The following CAMK4 variants were observed in gnomAD, a reference collection of about 807,000 sequenced individuals.
The protein encoded by CAMK4 is calcium/calmodulin dependent protein kinase IV.
CAMK4 carries 22 observed loss-of-function variants against 44.9 expected under a neutral mutation model. The ratio of observed to expected loss-of-function variants is 0.49; its 90% CI spans 0.35 to 0.70. CAMK4 has a LOEUF of 0.70. CAMK4 is among the 30% of genes least tolerant of loss of function. The pLI is 0.01. For missense variants in CAMK4, 498 were observed against 586.8 expected, an observed-to-expected ratio of 0.85 and a Z score of 1.56; for synonymous variants, 218 against 215.4, an observed-to-expected ratio of 1.01 and a Z score of -0.11.
intron 5 of CAMK4, among the ~76,000 whole-genome samples, chr5:111,412,725 A>G (rs888841701): frequency 1.3e-5 from 2 of 152,202 alleles, no homozygotes; most frequent in African/African-American, 4.8e-5. Flanking sequence ...TAGCTAGAAC[A>G]GAGACTTGGT....
At chr5:111,314,351 T>C (rs414266) in intron 1 of CAMK4, among the ~76,000 whole-genome samples, 142,169 of 152,070 alleles carry the variant, frequency 0.93, 66,576 homozygotes, top group East Asian at 1. Context: ...TTAATACAGT[T>C]CCAACATTTT....
At chr5:111,279,490 TG>T (rs769214853) in intron 1 of CAMK4, among the ~76,000 whole-genome samples, 3 of 151,116 alleles carry the variant, frequency 2.0e-5, no homozygotes, top group South Asian at 4.2e-4. Flanking sequence ...CCAGAGGGAG[TG>T]GGGAGTAAAA....
At chr5:111,251,972 AT>A (rs1479006239) in intron 1 of CAMK4, among the ~76,000 whole-genome samples, 1 of 152,202 alleles carries the variant, frequency 6.6e-6, no homozygotes, top group African/African-American at 2.4e-5. Context: ...GCAGAAAATA[AT>A]TATGAGTCCA....
At chr5:111,321,572 C>G (rs949184456) in intron 1 of CAMK4, among the ~76,000 whole-genome samples, 4 of 152,084 alleles carry the variant, frequency 2.6e-5, no homozygotes, top group African/African-American at 9.7e-5. Flanking sequence ...CTGTATCAGC[C>G]ATCTGGTATA....
At chr5:111,323,803 G>C (rs955864484) in intron 1 of CAMK4, among the ~76,000 whole-genome samples, 1 of 152,092 alleles carries the variant, frequency 6.6e-6, no homozygotes, top group Non-Finnish European at 1.5e-5. Flanking sequence ...TAGAAGTTCA[G>C]ATTTATAGAA....
rs188252788 is a variant in CAMK4 at position 111,371,710 on chromosome 5, G to A, written c.241-3140G>A. 2.3e-3 allele frequency among the ~76,000 whole-genome samples: 357 copies of A among 152,148 alleles called. 1 individual carries two copies. Among genetic ancestry groups the A allele is most frequent in the Non-Finnish European group, 3.3e-3 (225 of 68,004 alleles). On this transcript the variant is annotated intron_variant, in intron 2 of 10. Transcript: ENST00000282356. ...AAATTTTATCTATTTAATATTCTCC[G>A]ATTTAGAAGTTTTGACAATATGATG... is the stretch of plus-strand genomic sequence containing the variant.
intron 1 of CAMK4, among the ~76,000 whole-genome samples, chr5:111,257,339 A>G (rs1175647907): frequency 6.6e-6 from 1 of 152,254 alleles, no homozygotes; most frequent in Non-Finnish European, 1.5e-5. Flanking sequence ...TGGGCGAAGG[A>G]CATGAACAGA....
chr5:111,264,681 T>G (rs995219464), intron 1 of CAMK4, among the ~76,000 whole-genome samples: 5 of 152,130 alleles, frequency 3.3e-5, no homozygotes, highest in Admixed American at 2.6e-4. Context: ...TTAAGAGTCA[T>G]TTTCTCTGTT....
intron 1 of CAMK4, among the ~76,000 whole-genome samples, chr5:111,293,635 C>T (rs1747366272): frequency 6.6e-6 from 1 of 151,820 alleles, no homozygotes; most frequent in Non-Finnish European, 1.5e-5. Flanking sequence ...CCACGTTGGC[C>T]AGGCTGGTCT....
chr5:111,335,351 A>G (rs768484602), intron 1 of CAMK4, among the ~76,000 whole-genome samples: 3 of 151,360 alleles, frequency 2.0e-5, no homozygotes, highest in Admixed American at 6.6e-5. Context: ...TCCTAATTCC[A>G]TTTTGAATCA....
intron 5 of CAMK4, among the ~76,000 whole-genome samples, chr5:111,398,567 G>A (rs1015269352): frequency 2.0e-5 from 3 of 152,142 alleles, no homozygotes; most frequent in Non-Finnish European, 2.9e-5. Flanking sequence ...AGAAAACCAT[G>A]ATTTTACTTG....
At chr5:111,264,875 C>T (rs1750163233) in intron 1 of CAMK4, among the ~76,000 whole-genome samples, 1 of 152,116 alleles carries the variant, frequency 6.6e-6, no homozygotes. Flanking sequence ...TACTAGCAAT[C>T]TGCTGATTGA....
intron 5 of CAMK4, among the ~76,000 whole-genome samples, chr5:111,442,270 G>A (rs1316952809): frequency 6.6e-6 from 1 of 152,100 alleles, no homozygotes; most frequent in African/African-American, 2.4e-5. Flanking sequence ...GAGGCAGGTG[G>A]ATCACCCGAG....
intron 1 of CAMK4, among the ~76,000 whole-genome samples, chr5:111,292,177 C>A (rs1266960544): frequency 6.6e-6 from 1 of 152,208 alleles, no homozygotes; most frequent in Non-Finnish European, 1.5e-5. Flanking sequence ...AGCACCAGGA[C>A]AACGTGTCCT....
At chr5:111,417,803 A>G (rs1332043181) in intron 5 of CAMK4, among the ~76,000 whole-genome samples, 1 of 152,202 alleles carries the variant, frequency 6.6e-6, no homozygotes, top group African/African-American at 2.4e-5. Flanking sequence ...TAAGCCTTGT[A>G]TTATCTAATA....
chr5:111,463,052 A>T (rs1404809897), intron 7 of CAMK4, among the ~76,000 whole-genome samples: 1 of 152,216 alleles, frequency 6.6e-6, no homozygotes, highest in Non-Finnish European at 1.5e-5. Flanking sequence ...ACCGTTTACC[A>T]AACTTATTCT....
intron 5 of CAMK4, among the ~76,000 whole-genome samples, chr5:111,433,551 T>C (rs1753537049): frequency 6.6e-6 from 1 of 152,178 alleles, no homozygotes; most frequent in African/African-American, 2.4e-5. Context: ...TGTTGGCCAC[T>C]AACAAGTTAC....
At chr5:111,373,612 C>T (rs920526805) in intron 2 of CAMK4, among the ~76,000 whole-genome samples, 9 of 152,006 alleles carry the variant, frequency 5.9e-5, no homozygotes, top group Admixed American at 1.3e-4. Flanking sequence ...CATTGATATG[C>T]GCTTGGATTT....
At position 111,224,877 on chromosome 5, in the gene CAMK4, T is replaced by C. The variant is rs62376845; in HGVS notation, c.161+233T>C. Among the ~76,000 whole-genome samples the C allele has an allele frequency of 0.21, 32,144 of 150,322 alleles. 3,609 individuals carry two copies. Among genetic ancestry groups the C allele is most frequent in the Non-Finnish European group, 0.26 (17,217 of 67,372 alleles). On this transcript the variant is annotated intron_variant, in intron 1 of 10. Transcript: ENST00000282356. The surrounding 1 kb of genome is among the most constrained non-coding windows in gnomAD (Gnocchi z 5.7). ...AGGATCAGCCCGACTCCCTCCCACC[T>C]TCCCTCCTTCTCGCAGGCTGCCACT...
Sources: allele counts gnomAD v4.1 joint callset (sites outside exome capture counted in the v4.1 genomes callset), GRCh38; gene constraint gnomAD v4.1.1; non-coding constraint Gnocchi (gnomAD v3.1); transcripts MANE v1.5; gene names NCBI Gene and HGNC (gene_info 2026-07-23, HGNC 2026-07-21).